Variants in SGCD observed in about 807,000 individuals in gnomAD.
The protein encoded by SGCD is sarcoglycan delta, also known as delta-sarcoglycan.
SGCD carries 18 observed loss-of-function variants against 36.6 expected under a neutral mutation model. That is an observed-to-expected ratio of 0.49 (90% CI 0.34 to 0.73). The LOEUF is 0.73. Ranked by LOEUF, SGCD falls within the 30% of genes least tolerant of loss-of-function variation. The probability of loss-of-function intolerance (pLI) is 0.01; values close to 1 mark genes in which losing one functional copy is unlikely to be tolerated. For missense variants in SGCD, 387 were observed against 346.7 expected (o/e 1.12, Z -0.92); for synonymous variants, 133 against 130.6 (o/e 1.02, Z -0.12).
At chr5:156,415,039 AT>A (rs1209900481) in intron 3 of SGCD, among the ~76,000 whole-genome samples, 1 of 152,182 alleles carries the variant, frequency 6.6e-6, no homozygotes, top group Non-Finnish European at 1.5e-5. Flanking sequence ...AGAATTAAAC[AT>A]TAAATTTACA....
At chr5:156,451,414 G>A (rs1754007988) in intron 3 of SGCD, among the ~76,000 whole-genome samples, 1 of 152,124 alleles carries the variant, frequency 6.6e-6, no homozygotes, top group Non-Finnish European at 1.5e-5. Context: ...ACAGTCCCCA[G>A]GATGTGTCCT....
intron 7 of SGCD, among the ~76,000 whole-genome samples, chr5:156,723,978 T>TA (rs1755642973): frequency 6.6e-6 from 1 of 152,100 alleles, no homozygotes; most frequent in South Asian, 2.1e-4. Flanking sequence ...AAAATAGAGT[T>TA]AGGAAATTAT....
chr5:156,402,955 G>A (rs62380756), intron 3 of SGCD, among the ~76,000 whole-genome samples: 25,777 of 152,140 alleles, frequency 0.17, 2,274 homozygotes, highest in Middle Eastern at 0.28. Flanking sequence ...AAGAACTGCC[G>A]TACTGATTTC....
At chr5:155,913,413 A>G (rs960472364) in intron 1 of SGCD, among the ~76,000 whole-genome samples, 1 of 152,146 alleles carries the variant, frequency 6.6e-6, no homozygotes, top group African/African-American at 2.4e-5. Context: ...TCAACTTTAG[A>G]CCAGGTTCCT....
chr5:156,115,164 CTGTT>C (rs1411311531), intron 1 of SGCD, among the ~76,000 whole-genome samples: 1 of 151,854 alleles, frequency 6.6e-6, no homozygotes, highest in Non-Finnish European at 1.5e-5. Flanking sequence ...TTTTTAATTT[CTGTT>C]TGTAAGTGCA....
intron 3 of SGCD, among the ~76,000 whole-genome samples, chr5:156,361,681 T>G (rs1769800839): frequency 6.6e-6 from 1 of 152,188 alleles, no homozygotes; most frequent in Non-Finnish European, 1.5e-5. Context: ...GTAACTTGGG[T>G]GTTGCTGAAA....
At chr5:156,068,858 T>A (rs942400324) in intron 1 of SGCD, among the ~76,000 whole-genome samples, 1 of 152,034 alleles carries the variant, frequency 6.6e-6, no homozygotes, top group African/African-American at 2.4e-5. Context: ...TTGATTTGCA[T>A]TTCTCTGATA....
At chr5:156,259,472 T>G (rs1765797669) in intron 3 of SGCD, among the ~76,000 whole-genome samples, 1 of 152,138 alleles carries the variant, frequency 6.6e-6, no homozygotes, top group Non-Finnish European at 1.5e-5. Flanking sequence ...TAATCAAGTC[T>G]AATTAATCTT....
intron 7 of SGCD, among the ~76,000 whole-genome samples, chr5:156,752,507 C>T (rs1032117034): frequency 6.6e-6 from 1 of 152,156 alleles, no homozygotes; most frequent in Non-Finnish European, 1.5e-5. Context: ...ATTCTCTTGC[C>T]TCAGCTTCCC....
the SGCD span, among the ~76,000 whole-genome samples, chr5:155,854,649 T>G: frequency 1.3e-5 from 2 of 152,192 alleles, no homozygotes; most frequent in African/African-American, 4.8e-5. Context: ...ATTGGACATT[T>G]AATAATATTT....
At chr5:155,730,475 G>GTGTGTGTGTGTGTGTGT in the SGCD span, among the ~76,000 whole-genome samples, 39 of 151,276 alleles carry the variant, frequency 2.6e-4, no homozygotes, top group African/African-American at 2.7e-4. Flanking sequence ...GTGTGTGTGT[G>GTGTGTGTGTGTGTGTGT]GCGAGGGGAA....
chr5:156,641,009 A>T (rs1763007697), intron 6 of SGCD, among the ~76,000 whole-genome samples: 2 of 152,142 alleles, frequency 1.3e-5, no homozygotes, highest in African/African-American at 4.8e-5. Context: ...CTTAATCCTG[A>T]CACTTGTGGA....
intron 1 of SGCD, among the ~76,000 whole-genome samples, chr5:156,011,488 T>C (rs1214608102): frequency 6.6e-6 from 1 of 152,046 alleles, no homozygotes; most frequent in African/African-American, 2.4e-5. Context: ...TTGCCCAGGC[T>C]GGAGGGCAGT....
rs530100142 is a variant in SGCD, at chr5:156,690,940, C to G, written c.575+43404C>G. On this transcript the variant is annotated intron_variant, in intron 7 of 8. Transcript: ENST00000337851. ...TGAGATCCAGAGCCGGGTGCAATGG[C>G]TTACTCCTGTAATCCCAGCACTATG... Among the ~76,000 whole-genome samples, 4 of 152,186 alleles carry G rather than the reference C, an allele frequency of 2.6e-5. No individual in the cohort carries two copies. The East Asian group carries it at 5.8e-4, about 22-fold the overall frequency.
At chr5:156,011,346 A>C (rs529770388) in intron 1 of SGCD, among the ~76,000 whole-genome samples, 1 of 152,250 alleles carries the variant, frequency 6.6e-6, no homozygotes, top group African/African-American at 2.4e-5. Flanking sequence ...ATGGAACTTA[A>C]GTTTACTGAA....
At chr5:156,024,179 G>A (rs1001520437) in intron 1 of SGCD, among the ~76,000 whole-genome samples, 6 of 152,062 alleles carry the variant, frequency 3.9e-5, no homozygotes, top group Admixed American at 1.3e-4. Flanking sequence ...GATATCTATC[G>A]ACACAGGGAA....
the SGCD span, among the ~76,000 whole-genome samples, chr5:155,777,447 C>T: frequency 2.6e-5 from 4 of 151,778 alleles, no homozygotes; most frequent in Non-Finnish European, 4.4e-5. Flanking sequence ...ACTTCTACCT[C>T]CTGGGCTCAA....
chr5:155,911,319 G>T (rs526528), intron 1 of SGCD, among the ~76,000 whole-genome samples: 1 of 141,444 alleles, frequency 7.1e-6, no homozygotes, highest in South Asian at 2.4e-4. Context: ...GTGTGTGTGT[G>T]TATATATATA....
At chr5:156,317,484 A>G (rs1025942264) in intron 3 of SGCD, among the ~76,000 whole-genome samples, 6 of 152,304 alleles carry the variant, frequency 3.9e-5, no homozygotes, top group African/African-American at 1.4e-4. Flanking sequence ...CGCAATTTCA[A>G]AAGTTTTGCC....
Sources: gnomAD v4.1 joint callset for allele counts (sites outside exome capture counted in the v4.1 genomes callset) on GRCh38, gnomAD v4.1.1 for gene constraint, MANE v1.5 for transcripts, NCBI Gene and HGNC (gene_info 2026-07-23, HGNC 2026-07-21) for gene names.